EYS: variants seen among roughly 807,000 people sequenced by gnomAD.
EYS encodes the protein EGF-like photoreceptor maintenance factor.
In EYS, 250 loss-of-function variants were observed where a neutral mutation model predicts 282.1. The observed-to-expected ratio is 0.89, with a 90% confidence interval of 0.80 to 0.98. The LOEUF (loss-of-function observed/expected upper bound fraction) is 0.98, where lower values mean the gene tolerates loss of function less well. EYS is among the 50% of genes least tolerant of loss of function. EYS has a pLI of 0.00. For missense variants in EYS, 4,016 were observed against 3,709.0 expected, an observed-to-expected ratio of 1.08 and a Z score of -2.15; for synonymous variants, 1,355 against 1,282.9, an observed-to-expected ratio of 1.06 and a Z score of -1.20.
chr6:63,841,656 A>G (rs961381199), intron 36 of EYS, among the ~76,000 whole-genome samples: 8 of 152,172 alleles, frequency 5.3e-5, no homozygotes, highest in Non-Finnish European at 1.2e-4. Flanking sequence ...CATGTGCAGA[A>G]CGTGCAGGCT....
chr6:64,327,754 C>T (rs1024645880), intron 29 of EYS, among the ~76,000 whole-genome samples: 1 of 152,136 alleles, frequency 6.6e-6, no homozygotes, highest in Non-Finnish European at 1.5e-5. Flanking sequence ...AAAACCCGTC[C>T]TACAGGCCCC....
At chr6:65,637,824 G>A (rs1767143046) in intron 2 of EYS, among the ~76,000 whole-genome samples, 1 of 152,192 alleles carries the variant, frequency 6.6e-6, no homozygotes, top group Non-Finnish European at 1.5e-5. Flanking sequence ...GGCGGGCGTG[G>A]TGAGTGGTGA....
chr6:64,485,407 A>T (rs1776550965), intron 26 of EYS, among the ~76,000 whole-genome samples: 1 of 151,660 alleles, frequency 6.6e-6, no homozygotes, highest in Non-Finnish European at 1.5e-5. Flanking sequence ...AAGGATGTTA[A>T]GAGAAGTTTC....
chr6:63,877,225 A>G (rs980595258), intron 35 of EYS, among the ~76,000 whole-genome samples: 1 of 152,118 alleles, frequency 6.6e-6, no homozygotes, highest in Non-Finnish European at 1.5e-5. Context: ...TCCTTCACTT[A>G]TGAAGCTTAG....
chr6:64,261,897 C>G (rs868306134), intron 30 of EYS, among the ~76,000 whole-genome samples: 2 of 151,852 alleles, frequency 1.3e-5, no homozygotes, highest in African/African-American at 2.4e-5. Flanking sequence ...GCTGGGACTA[C>G]AGGTGTGCAC....
At chr6:64,659,581 A>T (rs1438241114) in intron 22 of EYS, among the ~76,000 whole-genome samples, 1 of 152,122 alleles carries the variant, frequency 6.6e-6, no homozygotes, top group Non-Finnish European at 1.5e-5. Flanking sequence ...AGAAATACAA[A>T]CTACCATCAG....
rs1332411379 is a variant in EYS, at chr6:65,030,556, A to G, written c.2137+27058T>C. On this transcript the variant is annotated intron_variant, in intron 13 of 42. Coordinates refer to ENST00000503581, the MANE Select transcript of EYS (RefSeq NM_001142800.2). ...TGTACCACTATTGCTGCTGGCATGC[A>G]TGCACAAGCTGAGATCCCACTGCCA... Among the ~76,000 whole-genome samples, 15 of 152,300 alleles carry G rather than the reference A, an allele frequency of 9.8e-5. 1 individual carries two copies. In the South Asian group the frequency reaches 1.5e-3, roughly 15 times the overall value.
intron 12 of EYS, among the ~76,000 whole-genome samples, chr6:65,065,374 GA>G (rs1241047700): frequency 6.6e-6 from 1 of 150,580 alleles, no homozygotes; most frequent in Non-Finnish European, 1.5e-5. Flanking sequence ...ATTTGTCTGG[GA>G]AAAAAACAAT....
intron 2 of EYS, among the ~76,000 whole-genome samples, chr6:65,619,196 T>A (rs1472350796): frequency 6.6e-6 from 1 of 151,752 alleles, no homozygotes; most frequent in Non-Finnish European, 1.5e-5. Flanking sequence ...CATGGAATGT[T>A]CTTCCATTTG....
intron 31 of EYS, among the ~76,000 whole-genome samples, chr6:64,142,664 A>G (rs1052454867): frequency 4.6e-5 from 7 of 152,198 alleles, no homozygotes; most frequent in African/African-American, 1.4e-4. Context: ...AATGAATTCC[A>G]GCAGTAGTGG....
rs73455460 is a variant in EYS at position 64,600,802 on chromosome 6, C to T, written c.3685-7493G>A. 2.5e-3 allele frequency among the ~76,000 whole-genome samples: 379 copies of T among 152,208 alleles called. 1 individual carries two copies. Among genetic ancestry groups the T allele is most frequent in the African/African-American group, 8.4e-3 (350 of 41,556 alleles). On this transcript the variant is annotated intron_variant, in intron 24 of 42. Transcript: ENST00000503581. ...AACTAAGAGAAACATATTGAAAACA[C>T]ACGTTTATCTAAGTACATACATATT...
chr6:65,660,954 T>C (rs1767983856), intron 1 of EYS, among the ~76,000 whole-genome samples: 1 of 151,928 alleles, frequency 6.6e-6, no homozygotes, highest in African/African-American at 2.4e-5. Context: ...ATAATGATGA[T>C]AATAAAAGCG....
chr6:65,488,335 A>G (rs1298468140), intron 5 of EYS, among the ~76,000 whole-genome samples: 2 of 152,222 alleles, frequency 1.3e-5, no homozygotes, highest in African/African-American at 4.8e-5. Context: ...CCCTCTACAC[A>G]CTGCTTTCAA....
intron 26 of EYS, among the ~76,000 whole-genome samples, chr6:64,537,254 G>A (rs970890452): frequency 2.1e-5 from 3 of 144,020 alleles, no homozygotes; most frequent in Admixed American, 1.4e-4. Flanking sequence ...GAGAATATGC[G>A]GTGTTTGGTT....
chr6:65,378,277 T>A (rs878991075), intron 8 of EYS, among the ~76,000 whole-genome samples: 1 of 151,992 alleles, frequency 6.6e-6, no homozygotes, highest in Non-Finnish European at 1.5e-5. Context: ...AACAAACATA[T>A]GAAAAAAAGC....
chr6:64,745,095 C>T (rs557745870), intron 22 of EYS, among the ~76,000 whole-genome samples: 4 of 152,294 alleles, frequency 2.6e-5, no homozygotes, highest in African/African-American at 9.6e-5. Flanking sequence ...TATTTGATAA[C>T]ATTTTCACAC....
intron 22 of EYS, among the ~76,000 whole-genome samples, chr6:64,628,078 T>A (rs1459688580): frequency 6.6e-6 from 1 of 152,116 alleles, no homozygotes; most frequent in Admixed American, 6.5e-5. Context: ...AGACTCCGTC[T>A]CAAAAACAAA....
chr6:65,130,692 A>C (rs1282409647), intron 12 of EYS, among the ~76,000 whole-genome samples: 2 of 151,600 alleles, frequency 1.3e-5, no homozygotes, highest in African/African-American at 4.8e-5. Flanking sequence ...GAAAATGACT[A>C]TTTGGTACTA....
At chr6:65,352,050 C>G (rs1328489490) in intron 9 of EYS, among the ~76,000 whole-genome samples, 1 of 151,822 alleles carries the variant, frequency 6.6e-6, no homozygotes, top group Non-Finnish European at 1.5e-5. Context: ...TTAGCATCAA[C>G]ATAGTATAAT....
Sources: gnomAD v4.1 joint callset for allele counts (sites outside exome capture counted in the v4.1 genomes callset) on GRCh38, gnomAD v4.1.1 for gene constraint, MANE v1.5 for transcripts, NCBI Gene and HGNC (gene_info 2026-07-23, HGNC 2026-07-21) for gene names.